TRPC3: variants seen among roughly 807,000 people sequenced by gnomAD.
The protein encoded by TRPC3 is short transient receptor potential channel 3.
TRPC3 carries 54 observed loss-of-function variants against 90.9 expected under a neutral mutation model. The observed-to-expected ratio is 0.59, with a 90% CI of 0.48 to 0.75. The LOEUF is 0.75. Ranked by LOEUF, TRPC3 falls within the 30% of genes least tolerant of loss-of-function variation. The probability of loss-of-function intolerance (pLI) is 0.00; values close to 1 mark genes in which losing one functional copy is unlikely to be tolerated. For synonymous variants in TRPC3, 424 were observed against 450.9 expected, an observed-to-expected ratio of 0.94 and a Z score of 0.75; for missense variants, 918 against 1,194.5, an observed-to-expected ratio of 0.77 and a Z score of 3.41.
intron 3 of TRPC3, among the ~76,000 whole-genome samples, chr4:121,916,647 A>G (rs568761123): frequency 6.6e-6 from 1 of 152,228 alleles, no homozygotes; most frequent in Non-Finnish European, 1.5e-5. Context: ...CCCAGAGGAG[A>G]GCCCTCATCA....
chr4:121,888,252 C>A (rs912585532), intron 10 of TRPC3, among the ~76,000 whole-genome samples: 5 of 152,052 alleles, frequency 3.3e-5, no homozygotes, highest in African/African-American at 9.7e-5. Flanking sequence ...AGAAAAAAAC[C>A]CTCATTTGGA....
intron 1 of TRPC3, among the ~76,000 whole-genome samples, chr4:121,949,281 G>T (rs1730600339): frequency 6.6e-6 from 1 of 152,178 alleles, no homozygotes; most frequent in South Asian, 2.1e-4. Context: ...GATACAGCAG[G>T]TGACACTTTT....
intron 10 of TRPC3, among the ~76,000 whole-genome samples, chr4:121,894,555 GTTTTTTTTTTTT>G (rs374034360): frequency 1.6e-5 from 1 of 63,374 alleles, no homozygotes; most frequent in South Asian, 7.5e-4. Context: ...TACACATTCT[GTTTTTTTTTTTT>G]TTTTTTTTTT....
At chr4:121,930,805 G>GGA (rs1161698912) in intron 2 of TRPC3, 1 of 367,914 alleles carries the variant, frequency 2.7e-6, no homozygotes, top group East Asian at 9.6e-5. Context: ...AACGGAATTT[G>GGA]GAGTTTTCAA....
intron 3 of TRPC3, among the ~76,000 whole-genome samples, chr4:121,922,955 G>A (rs1412393534): frequency 6.6e-6 from 1 of 152,190 alleles, no homozygotes; most frequent in African/African-American, 2.4e-5. Flanking sequence ...ATCTTATGAA[G>A]TAGAGAAGAG....
At chr4:121,950,347 C>A (rs1355104000) in intron 1 of TRPC3, among the ~76,000 whole-genome samples, 1 of 152,206 alleles carries the variant, frequency 6.6e-6, no homozygotes, top group Non-Finnish European at 1.5e-5. Context: ...GGCCTCTCGC[C>A]GGCAGCAGGG....
At chr4:121,942,695 A>G (rs73847215) in intron 1 of TRPC3, among the ~76,000 whole-genome samples, 4,826 of 152,350 alleles carry the variant, frequency 0.032, 271 homozygotes, top group African/African-American at 0.11. Context: ...ACCCTGGTCT[A>G]TCTCCACTGC....
At position 121,878,791 on chromosome 4, in the gene TRPC3, G is replaced by A. The variant is rs1025133966; in HGVS notation, c.*945C>T. On this transcript the variant is annotated 3_prime_UTR_variant, in exon 12 of 12. Coordinates refer to ENST00000379645, the MANE Select transcript of TRPC3 (RefSeq NM_001130698.2). The stretch of plus-strand genomic sequence containing the variant: ...TGCTTGGCCATGTCTTTCCAAGTAC[G>A]CCCATAGTCACTGCTCTTTCCTATT... Among the ~76,000 whole-genome samples the A allele has an allele frequency of 4.6e-5, 7 of 152,142 alleles. No homozygotes were observed. Among genetic ancestry groups the A allele is most frequent in the East Asian group, 1.9e-4 (1 of 5,194 alleles).
At chr4:121,893,415 T>C (rs1214711465) in intron 10 of TRPC3, among the ~76,000 whole-genome samples, 3 of 152,182 alleles carry the variant, frequency 2.0e-5, no homozygotes, top group Non-Finnish European at 2.9e-5. Flanking sequence ...ATAGAAAAGA[T>C]AGATTATTCA....
chr4:121,874,522 G>C lies in TRPC3; in HGVS notation c.*5214C>G, dbSNP rs1306574323. ...AAATTTATTTTCTCACAGTCTTGGA[G>C]TCTAGAAGTCATAGATCAAGGTGTC... On this transcript the variant is annotated 3_prime_UTR_variant, in exon 12 of 12. Transcript: ENST00000379645. Among the ~76,000 whole-genome samples, 1 of 152,142 alleles carries C rather than the reference G, an allele frequency of 6.6e-6. No homozygotes were observed. Among genetic ancestry groups the C allele is most frequent in the Non-Finnish European group, 1.5e-5 (1 of 68,028 alleles).
chr4:121,884,660 CAGACTG>C (rs1578594887), intron 10 of TRPC3, among the ~76,000 whole-genome samples: 2 of 152,232 alleles, frequency 1.3e-5, no homozygotes, highest in East Asian at 3.9e-4. Flanking sequence ...AGAATAACAA[CAGACTG>C]AGAGGGCCCA....
intron 10 of TRPC3, among the ~76,000 whole-genome samples, chr4:121,888,825 A>G (rs1728224451): frequency 6.6e-6 from 1 of 152,194 alleles, no homozygotes; most frequent in Non-Finnish European, 1.5e-5. Context: ...TGTCCACCCC[A>G]GGCTCATGTG....
At position 121,932,178 on chromosome 4, in the gene TRPC3, C is replaced by A. The variant is rs576001363; in HGVS notation, c.987+93G>T. ...TGATTTCACATTCACTGGGCAAAAC[C>A]GAATGTGGAGCGAACGGTGGCAGAG... On this transcript the variant is annotated intron_variant, in intron 2 of 11. Transcript: ENST00000379645. The surrounding 1 kb of genome is among the most constrained non-coding windows in gnomAD (Gnocchi z 7.7). 3.4e-5 allele frequency: 53 copies of A among 1,536,266 alleles called. 2 individuals carry two copies. In the South Asian group the frequency reaches 6.8e-4, roughly 20 times the overall value.
chr4:121,922,888 A>T (rs1334540575), intron 3 of TRPC3, among the ~76,000 whole-genome samples: 1 of 152,202 alleles, frequency 6.6e-6, no homozygotes, highest in Admixed American at 6.5e-5. Flanking sequence ...CTTGTAACAT[A>T]CTTTCCTTGA....
At chr4:121,928,264 GT>G (rs1213733161) in intron 2 of TRPC3, among the ~76,000 whole-genome samples, 2 of 152,182 alleles carry the variant, frequency 1.3e-5, no homozygotes, top group African/African-American at 4.8e-5. Context: ...AATCAAACAT[GT>G]TGCAAGGACA....
intron 1 of TRPC3, among the ~76,000 whole-genome samples, chr4:121,941,465 A>G (rs1031311478): frequency 2.0e-5 from 3 of 152,202 alleles, no homozygotes; most frequent in East Asian, 1.9e-4. Context: ...GCCACAGAAG[A>G]TAAGTAGTGA....
intron 10 of TRPC3, among the ~76,000 whole-genome samples, chr4:121,885,463 T>C (rs1385478365): frequency 6.6e-6 from 1 of 152,188 alleles, no homozygotes; most frequent in East Asian, 1.9e-4. Flanking sequence ...TTTTGAGTTG[T>C]GACTCCATCA....
intron 2 of TRPC3, among the ~76,000 whole-genome samples, chr4:121,926,350 C>T (rs114227324): frequency 1.4e-3 from 209 of 152,100 alleles, no homozygotes; most frequent in African/African-American, 4.9e-3. Flanking sequence ...TACCATGTCA[C>T]TTGTATTTCC....
chr4:121,890,086 C>T (rs149901169), intron 10 of TRPC3, among the ~76,000 whole-genome samples: 73 of 152,318 alleles, frequency 4.8e-4, no homozygotes, highest in African/African-American at 1.7e-3. Flanking sequence ...ATCATATGAT[C>T]TCACTCATAT....
Sources: allele counts gnomAD v4.1 joint callset (sites outside exome capture counted in the v4.1 genomes callset), GRCh38; gene constraint gnomAD v4.1.1; non-coding constraint Gnocchi (gnomAD v3.1); transcripts MANE v1.5; gene names NCBI Gene and HGNC (gene_info 2026-07-23, HGNC 2026-07-21).